The following NRCAM variants were observed in gnomAD, a reference collection of about 807,000 sequenced individuals.
NRCAM encodes NgCAM-related cell adhesion molecule.
NRCAM carries 83 observed loss-of-function variants against 156.5 expected under a neutral mutation model. The ratio of observed to expected loss-of-function variants is 0.53; its 90% CI spans 0.44 to 0.64. The LOEUF (loss-of-function observed/expected upper bound fraction) is 0.64, where lower values mean the gene tolerates loss of function less well. Ranked by LOEUF, NRCAM falls within the 30% of genes least tolerant of loss-of-function variation. The pLI, the probability that NRCAM is intolerant of heterozygous loss-of-function variation, is 0.00. For synonymous variants in NRCAM, 538 were observed against 563.9 expected, an observed-to-expected ratio of 0.95 and a Z score of 0.65; for missense variants, 1,417 against 1,597.3, an observed-to-expected ratio of 0.89 and a Z score of 1.92.
chr7:108,147,957 C>T lies in NRCAM; in HGVS notation c.*1953G>A, dbSNP rs2039649164. 1 of 152,590 alleles carries T rather than the reference C, an allele frequency of 6.6e-6. No individual in the cohort carries two copies. Among genetic ancestry groups the T allele is most frequent in the South Asian group, 2.1e-4 (1 of 4,836 alleles). 9.5% of individuals were successfully genotyped at this position (152,590 alleles called of 1,614,324 possible). ...TTTTAATCTTTGTGCTCTCTGATGCCAAGGCAAACCTGTTTTGTCTTTTTA... is the reference window on the plus strand; with the variant it reads ...TTTTAATCTTTGTGCTCTCTGATGCTAAGGCAAACCTGTTTTGTCTTTTTA... On this transcript the variant is annotated 3_prime_UTR_variant, in exon 33 of 33. Coordinates refer to ENST00000379028, the MANE Select transcript of NRCAM (RefSeq NM_001037132.4).
intron 3 of NRCAM, among the ~76,000 whole-genome samples, chr7:108,257,028 A>C (rs1189405522): frequency 6.6e-6 from 1 of 150,712 alleles, no homozygotes; most frequent in African/African-American, 2.4e-5. Context: ...AAGAAAAAGA[A>C]AAAGAAAAAG....
rs1309439168 is a variant in NRCAM at position 108,237,288 on chromosome 7, G to T, written c.124+464C>A. 2.0e-5 allele frequency among the ~76,000 whole-genome samples: 3 copies of T among 152,158 alleles called. No homozygotes were observed. The South Asian group carries it at 6.2e-4, about 31-fold the overall frequency. On this transcript the variant is annotated intron_variant, in intron 5 of 32. Transcript: ENST00000379028. ...TGGGTTAGTCTACTGATGGCACCTA[G>T]AAATACTAGTCTACATAGTCACGAA...
intron 1 of NRCAM, among the ~76,000 whole-genome samples, chr7:108,411,581 G>A (rs1005454116): frequency 6.6e-6 from 1 of 152,178 alleles, no homozygotes; most frequent in African/African-American, 2.4e-5. Context: ...AAGTAAGTGA[G>A]TGCAATGGCG....
rs746342964 is a variant in NRCAM at position 108,184,633 on chromosome 7, C to A, written c.2036-19G>T. The stretch of plus-strand genomic sequence containing the variant: ...ATGAATTCTGGTCACGACACACACA[C>A]ACCAAACCCAAGACCGTGAATTCAG... On this transcript the variant is annotated intron_variant, in intron 20 of 32. Coordinates refer to ENST00000379028, the MANE Select transcript of NRCAM (RefSeq NM_001037132.4). 2.7e-5 allele frequency: 44 copies of A among 1,605,444 alleles called. 1 individual carries two copies. Among genetic ancestry groups the A allele is most frequent in the Non-Finnish European group, 8.5e-7 (1 of 1,175,528 alleles).
rs77754676 is a variant in NRCAM at position 108,184,380 on chromosome 7, T to C, written c.2233+37A>G. ...CGAAGAGTGGAAAACTTTTTTATTA[T>C]ATTTCGTACCCTAGAAGTCCCGCTT... is the stretch of plus-strand genomic sequence containing the variant. On this transcript the variant is annotated intron_variant, in intron 21 of 32. Coordinates refer to ENST00000379028, the MANE Select transcript of NRCAM (RefSeq NM_001037132.4). 54,735 of 1,613,512 alleles carry C rather than the reference T, an allele frequency of 0.034. 1,986 individuals carry two copies. Among genetic ancestry groups the C allele is most frequent in the African/African-American group, 0.17 (12,972 of 74,930 alleles).
At position 108,442,080 on chromosome 7, in the gene NRCAM, T is replaced by C. The variant is rs79513396; in HGVS notation, c.-332+14163A>G. 1.3e-3 allele frequency among the ~76,000 whole-genome samples: 199 copies of C among 152,340 alleles called. 4 individuals carry two copies. The East Asian group carries it at 0.037, about 28-fold the overall frequency. The stretch of plus-strand genomic sequence containing the variant: ...TTCCTAAAATTCAGAGAGACAACTT[T>C]ACATATAATACCTCGGGAGCAGGCT... On this transcript the variant is annotated intron_variant, in intron 1 of 32. Coordinates refer to ENST00000379028, the MANE Select transcript of NRCAM (RefSeq NM_001037132.4).
intron 13 of NRCAM, among the ~76,000 whole-genome samples, chr7:108,203,206 A>G (rs1280475766): frequency 1.3e-5 from 2 of 152,204 alleles, no homozygotes; most frequent in Non-Finnish European, 2.9e-5. Context: ...ATTACACAAT[A>G]AAATTAAAGC....
chr7:108,361,275 A>G (rs1277907628), intron 2 of NRCAM, among the ~76,000 whole-genome samples: 1 of 152,208 alleles, frequency 6.6e-6, no homozygotes, highest in Non-Finnish European at 1.5e-5. Context: ...GTTCCTTACA[A>G]AGTTAAACAT....
chr7:108,243,368 G>C (rs1311151282), intron 3 of NRCAM: 3 of 152,294 alleles, frequency 2.0e-5, no homozygotes, highest in East Asian at 1.9e-4. Context: ...CTCTCGATGA[G>C]AGTAATGTAC....
At chr7:108,279,428 A>AAT (rs1286717262) in intron 3 of NRCAM, among the ~76,000 whole-genome samples, 2 of 152,158 alleles carry the variant, frequency 1.3e-5, no homozygotes, top group African/African-American at 4.8e-5. Context: ...AATACAGAAA[A>AAT]ATATATATTT....
At chr7:108,376,561 T>C (rs2099676655) in intron 2 of NRCAM, among the ~76,000 whole-genome samples, 1 of 152,196 alleles carries the variant, frequency 6.6e-6, no homozygotes, top group African/African-American at 2.4e-5. Context: ...CTCATGTTAC[T>C]TTAAAACCTG....
chr7:108,346,612 G>T (rs536873182), intron 2 of NRCAM, among the ~76,000 whole-genome samples: 3 of 152,200 alleles, frequency 2.0e-5, no homozygotes, highest in Non-Finnish European at 4.4e-5. Flanking sequence ...GACAAAAAGT[G>T]CTGGGTTTAA....
At chr7:108,171,689 G>A (rs2284282) in intron 28 of NRCAM, among the ~76,000 whole-genome samples, 91,158 of 151,632 alleles carry the variant, frequency 0.6, 32,371 homozygotes, top group East Asian at 0.83. Context: ...CTAGTTTAGC[G>A]TCAATTTATT....
rs1186889037 is a variant in NRCAM at position 108,234,740 on chromosome 7, A to T, written c.125-52T>A. ...AAAAAACAAATTATTTAAAATCATA[A>T]TAGTAGCCATTTTTTCCTGTATCAA... On this transcript the variant is annotated intron_variant, in intron 5 of 32. Transcript: ENST00000379028. The T allele has an allele frequency of 6.5e-6, 8 of 1,233,934 alleles. No homozygotes were observed. In the East Asian group the frequency reaches 1.9e-4, roughly 29 times the overall value. The allele number at this position is 1,233,934 out of a possible 1,614,324, so 76.4% of individuals were successfully genotyped here. A position where few individuals can be genotyped will look rare whatever the true frequency, so the allele number is the denominator to read the frequency against.
intron 3 of NRCAM, among the ~76,000 whole-genome samples, chr7:108,309,163 G>A (rs2098762645): frequency 6.6e-6 from 1 of 152,182 alleles, no homozygotes; most frequent in Admixed American, 6.5e-5. Flanking sequence ...TCACAATAGA[G>A]GGACTGTCCA....
chr7:108,205,146 G>T (rs954008352), intron 13 of NRCAM, among the ~76,000 whole-genome samples: 4 of 152,068 alleles, frequency 2.6e-5, no homozygotes, highest in African/African-American at 9.7e-5. Context: ...AGGAAATGAG[G>T]GTTTCCCCCT....
At chr7:108,262,616 G>A (rs2096927680) in intron 3 of NRCAM, among the ~76,000 whole-genome samples, 2 of 152,112 alleles carry the variant, frequency 1.3e-5, no homozygotes, top group African/African-American at 4.8e-5. Context: ...ACTTCCACAT[G>A]TACTCCTTGA....
chr7:108,287,029 C>T (rs1258904746), intron 3 of NRCAM, among the ~76,000 whole-genome samples: 1 of 152,044 alleles, frequency 6.6e-6, no homozygotes, highest in Non-Finnish European at 1.5e-5. Context: ...ATAAATAGTG[C>T]TTGAAAATTG....
rs568365680 is a variant in NRCAM, at chr7:108,407,742, G to T, written c.-331-8149C>A. Among the ~76,000 whole-genome samples, 6 of 152,290 alleles carry T rather than the reference G, an allele frequency of 3.9e-5. No homozygotes were observed. In the East Asian group the frequency reaches 1.2e-3, roughly 29 times the overall value. ...GCTGGACTTGGGAATCACCTGAGCT[G>T]GTTTTAAAACCACAGGCGATATGTT... is the stretch of plus-strand genomic sequence containing the variant. On this transcript the variant is annotated intron_variant, in intron 1 of 32. Coordinates refer to ENST00000379028, the MANE Select transcript of NRCAM (RefSeq NM_001037132.4).
Sources: allele counts gnomAD v4.1 joint callset (sites outside exome capture counted in the v4.1 genomes callset), GRCh38; gene constraint gnomAD v4.1.1; transcripts MANE v1.5; gene names NCBI Gene and HGNC (gene_info 2026-07-23, HGNC 2026-07-21).